The following EYA1 variants were observed in gnomAD, a reference collection of about 807,000 sequenced individuals.
EYA1 encodes EYA transcriptional coactivator and phosphatase 1, also known as protein phosphatase EYA1.
EYA1 carries 16 observed loss-of-function variants against 82.0 expected under a neutral mutation model. The observed-to-expected ratio is 0.20, with a 90% CI of 0.13 to 0.30. EYA1 has a LOEUF of 0.30. Ranked by LOEUF, EYA1 falls within the 10% of genes least tolerant of loss-of-function variation. The pLI, the probability that EYA1 is intolerant of heterozygous loss-of-function variation, is 1.00. For missense variants in EYA1, 633 were observed against 730.7 expected, an observed-to-expected ratio of 0.87 and a Z score of 1.54; for synonymous variants, 261 against 264.4, an observed-to-expected ratio of 0.99 and a Z score of 0.12.
chr8:71,546,924 G>A (rs980167933), intron 1 of EYA1, among the ~76,000 whole-genome samples: 1 of 152,162 alleles, frequency 6.6e-6, no homozygotes, highest in African/African-American at 2.4e-5. Context: ...GCATTAGTCG[G>A]TCTTGCTACC....
intron 2 of EYA1, 86 bp from the exon 3 acceptor site, chr8:71,354,995 A>G (rs920855684): frequency 7.6e-7 from 1 of 1,308,854 alleles, no homozygotes; most frequent in African/African-American, 1.5e-5. Flanking sequence ...CACCTTTGAA[A>G]CACACTTGCA....
chr8:71,535,750 T>G lies in EYA1; in HGVS notation c.27A>C (p.Gly9=), dbSNP rs1432264672. 2.6e-6 allele frequency: 4 copies of G among 1,521,578 alleles called. No individual in the cohort carries two copies. Among genetic ancestry groups the G allele is most frequent in the African/African-American group, 1.4e-5 (1 of 72,372 alleles). The allele number at this position is 1,521,578 out of a possible 1,614,324, so 94.3% of individuals were successfully genotyped here. ...TGACATTCTGTTTACTTACAGACTG[T>G]CCATTTATCCCCCGGGGGTCTTCCA... Residue 9 remains glycine, a synonymous_variant, in exon 2 of 19, where the codon GGA becomes GGC. Coordinates refer to the EYA1 transcript ENST00000643681.
intron 11 of EYA1, among the ~76,000 whole-genome samples, chr8:71,253,281 C>T (rs761475966): frequency 7.9e-5 from 12 of 152,030 alleles, no homozygotes; most frequent in Admixed American, 2.6e-4. Context: ...GTATTCTGTC[C>T]GCTCAGGGTA....
chr8:71,497,056 T>C (rs553898138), intron 2 of EYA1, among the ~76,000 whole-genome samples: 3 of 152,154 alleles, frequency 2.0e-5, no homozygotes, highest in South Asian at 4.2e-4. Flanking sequence ...ATCAACAGAA[T>C]GAAGAGACAA....
chr8:71,431,643 A>G (rs1478036369), intron 2 of EYA1, among the ~76,000 whole-genome samples: 1 of 152,182 alleles, frequency 6.6e-6, no homozygotes, highest in African/African-American at 2.4e-5. Flanking sequence ...AAATTTCTTT[A>G]ACCATTCCTC....
intron 2 of EYA1, among the ~76,000 whole-genome samples, chr8:71,445,245 A>G (rs1342721953): frequency 2.0e-5 from 3 of 152,142 alleles, no homozygotes; most frequent in South Asian, 4.1e-4. Context: ...TACCTCTTTT[A>G]CTACTATTAC....
chr8:71,348,517 T>A (rs1346271769), intron 3 of EYA1, among the ~76,000 whole-genome samples: 1 of 152,254 alleles, frequency 6.6e-6, no homozygotes, highest in Non-Finnish European at 1.5e-5. Context: ...AGGGAAAAGC[T>A]GTCTACATCT....
At chr8:71,410,753 T>G (rs1345452738) in intron 2 of EYA1, among the ~76,000 whole-genome samples, 1 of 150,644 alleles carries the variant, frequency 6.6e-6, no homozygotes, top group Non-Finnish European at 1.5e-5. Context: ...TGGAAGAACA[T>G]TCCATGCTCA....
intron 11 of EYA1, among the ~76,000 whole-genome samples, chr8:71,251,935 C>A (rs1275180700): frequency 6.6e-6 from 1 of 151,934 alleles, no homozygotes; most frequent in Non-Finnish European, 1.5e-5. Flanking sequence ...TACTGAAATG[C>A]CATTAAATAC....
chr8:71,450,201 C>T (rs940179559), intron 2 of EYA1, among the ~76,000 whole-genome samples: 8 of 152,334 alleles, frequency 5.3e-5, no homozygotes, highest in Middle Eastern at 6.8e-3. Context: ...AACAACTTGG[C>T]TAACCATTTG....
intron 11 of EYA1, among the ~76,000 whole-genome samples, chr8:71,260,263 T>C (rs562435131): frequency 6.6e-6 from 1 of 152,310 alleles, no homozygotes; most frequent in Non-Finnish European, 1.5e-5. Flanking sequence ...TTAAGAACTA[T>C]TTTAATGGCT....
intron 2 of EYA1, among the ~76,000 whole-genome samples, chr8:71,443,150 T>A (rs1307429620): frequency 2.6e-5 from 4 of 152,154 alleles, no homozygotes; most frequent in Non-Finnish European, 5.9e-5. Flanking sequence ...GACAGAAAGA[T>A]AATGATGAAT....
At chr8:71,204,406 G>A (rs1343955970) in intron 17 of EYA1, among the ~76,000 whole-genome samples, 1 of 152,196 alleles carries the variant, frequency 6.6e-6, no homozygotes, top group Non-Finnish European at 1.5e-5. Flanking sequence ...ATGTTTCAAA[G>A]TTTTTAAAGC....
At chr8:71,447,461 T>C (rs1806983525) in intron 2 of EYA1, among the ~76,000 whole-genome samples, 1 of 152,190 alleles carries the variant, frequency 6.6e-6, no homozygotes, top group Admixed American at 6.5e-5. Flanking sequence ...CAGCATTTAT[T>C]CTCAACCATC....
At chr8:71,237,259 C>A (rs966204329) in intron 12 of EYA1, among the ~76,000 whole-genome samples, 13 of 152,076 alleles carry the variant, frequency 8.5e-5, no homozygotes, top group Admixed American at 8.5e-4. Flanking sequence ...ACCATGATGG[C>A]CAGGCTGGTC....
intron 1 of EYA1, among the ~76,000 whole-genome samples, chr8:71,546,401 G>A (rs987221436): frequency 6.6e-6 from 1 of 152,140 alleles, no homozygotes; most frequent in Non-Finnish European, 1.5e-5. Context: ...GAACAAAATG[G>A]AAGAATGCCT....
rs561913686 is a variant in EYA1, at chr8:71,244,317, T to G, written c.1140+286A>C. Among the ~76,000 whole-genome samples, 3 of 152,344 alleles carry G rather than the reference T, an allele frequency of 2.0e-5. No homozygotes were observed. The East Asian group carries it at 5.8e-4, about 29-fold the overall frequency. The stretch of plus-strand genomic sequence containing the variant: ...TATGTTGGACATATCTTAGTGGTGA[T>G]TATGTAACTGAGAAATATGTGGCTT... On this transcript the variant is annotated intron_variant, in intron 12 of 17. Transcript: ENST00000340726.
chr8:71,371,759 A>C (rs898592480), intron 2 of EYA1, among the ~76,000 whole-genome samples: 2 of 152,154 alleles, frequency 1.3e-5, no homozygotes, highest in African/African-American at 4.8e-5. Flanking sequence ...AAGATACTGA[A>C]GCCATGAAAC....
intron 2 of EYA1, among the ~76,000 whole-genome samples, chr8:71,505,497 G>T (rs189301889): frequency 1.4e-4 from 21 of 152,298 alleles, no homozygotes; most frequent in African/African-American, 5.1e-4. Context: ...AGGAATAGGG[G>T]ACTCTCAGGG....
Sources: allele counts gnomAD v4.1 joint callset (sites outside exome capture counted in the v4.1 genomes callset), GRCh38; gene constraint gnomAD v4.1.1; transcripts MANE v1.5; gene names NCBI Gene and HGNC (gene_info 2026-07-23, HGNC 2026-07-21).